Variants in GRID1 observed in about 807,000 individuals in gnomAD.
GRID1 encodes the protein glutamate ionotropic receptor delta type subunit 1.
Under a neutral mutation model 98.0 loss-of-function variants are expected in GRID1, and 28 were observed. That is an observed-to-expected ratio of 0.29 (90% confidence interval 0.21 to 0.39). The LOEUF (loss-of-function observed/expected upper bound fraction) is 0.39, where lower values mean the gene tolerates loss of function less well. GRID1 is among the 10% of genes least tolerant of loss of function. The pLI is 1.00. For missense variants in GRID1, 1,111 were observed against 1,340.5 expected (o/e 0.83, Z 2.67); for synonymous variants, 553 against 538.5 (o/e 1.03, Z -0.37).
chr10:86,225,579 C>G (rs1213716435), intron 2 of GRID1, among the ~76,000 whole-genome samples: 1 of 152,144 alleles, frequency 6.6e-6, no homozygotes, highest in Non-Finnish European at 1.5e-5. Flanking sequence ...CTGCTAGCGT[C>G]CCAGCTCCAG....
At chr10:85,774,879 G>A (rs1842313330) in intron 8 of GRID1, among the ~76,000 whole-genome samples, 1 of 151,186 alleles carries the variant, frequency 6.6e-6, no homozygotes, top group African/African-American at 2.4e-5. Flanking sequence ...CTGTTGGTGG[G>A]ACCGTAAACT....
At chr10:86,024,544 T>C (rs1038950451) in intron 4 of GRID1, among the ~76,000 whole-genome samples, 1 of 152,216 alleles carries the variant, frequency 6.6e-6, no homozygotes, top group African/African-American at 2.4e-5. Context: ...GCAAAGTCAC[T>C]GCGAGGAGCC....
Position 85,601,300 on chromosome 10 carries a change from C to T in GRID1, c.*973G>A, listed in dbSNP as rs953938240. On this transcript the variant is annotated 3_prime_UTR_variant, in exon 16 of 16. Transcript: ENST00000327946. ...CCTTCTCTCACCTGGGACCATGGGT[C>T]CAAACCCAAGGGAATATTCTTCCTC... 1 of 152,430 alleles carries T rather than the reference C, an allele frequency of 6.6e-6. No homozygotes were observed. The highest frequency in any genetic ancestry group is 2.4e-5 in the African/African-American group (1 of 41,400). The allele number at this position is 152,430 out of a possible 1,614,324, so 9.4% of individuals were successfully genotyped here. A position where few individuals can be genotyped will look rare whatever the true frequency, so the allele number is the denominator to read the frequency against.
At chr10:85,983,678 T>A (rs772445009) in intron 4 of GRID1, among the ~76,000 whole-genome samples, 5 of 152,096 alleles carry the variant, frequency 3.3e-5, no homozygotes, top group Non-Finnish European at 7.4e-5. Context: ...CAGAGCTGAA[T>A]GAGCCTCAGG....
intron 4 of GRID1, among the ~76,000 whole-genome samples, chr10:85,981,857 A>G (rs1031208610): frequency 5.9e-5 from 9 of 152,338 alleles, no homozygotes; most frequent in African/African-American, 1.9e-4. Flanking sequence ...GTCATGACAA[A>G]TACGATGAAG....
chr10:85,677,873 G>T (rs1841162542), intron 12 of GRID1, among the ~76,000 whole-genome samples: 1 of 152,136 alleles, frequency 6.6e-6, no homozygotes, highest in African/African-American at 2.4e-5. Context: ...TTGTAGCCTG[G>T]TGAGATTAAA....
intron 8 of GRID1, among the ~76,000 whole-genome samples, chr10:85,839,481 T>G (rs921198891): frequency 2.0e-5 from 3 of 152,076 alleles, no homozygotes; most frequent in African/African-American, 7.2e-5. Context: ...GACAAAGAAA[T>G]TCACTCCAAA....
At chr10:85,809,997 T>C (rs555816526) in intron 8 of GRID1, among the ~76,000 whole-genome samples, 39 of 152,294 alleles carry the variant, frequency 2.6e-4, no homozygotes, top group African/African-American at 8.9e-4. Context: ...GTTTTGTACT[T>C]CCATTATCCA....
In GRID1 at chr10:85,736,151, AGGAG is replaced by A. The variant is rs1474133529; in HGVS notation, c.1234-6541_1234-6538del. Among the ~76,000 whole-genome samples, 106 of 134,774 alleles carry A rather than the reference AGGAG, an allele frequency of 7.9e-4. 1 individual carries two copies. The highest frequency in any genetic ancestry group is 2.8e-3 in the African/African-American group (102 of 36,796). 88.4% of individuals were successfully genotyped at this position (134,774 alleles called of 152,430 possible). On this transcript the variant is annotated intron_variant, in intron 8 of 15. Coordinates refer to ENST00000327946, the MANE Select transcript of GRID1 (RefSeq NM_017551.3). Reference sequence around the variant, plus strand: ...GAGAAAGGAAGGAGAGAAGGAAGGAAGGAGGGAGGGAGGGACACAGGAAGAAAGG... The same window carrying A: ...GAGAAAGGAAGGAGAGAAGGAAGGAAGGAGGGAGGGACACAGGAAGAAAGG...
intron 4 of GRID1, among the ~76,000 whole-genome samples, chr10:86,127,961 C>A (rs146198040): frequency 5.9e-5 from 9 of 152,314 alleles, no homozygotes; most frequent in Middle Eastern, 3.4e-3. Flanking sequence ...TCATTTAATT[C>A]CCATGGCAAC....
rs774826339 is a variant in GRID1 at position 85,723,156 on chromosome 10, C to A, written c.1859-15G>T. ...AGATTCGCCACCTGCGGGAGGCAGA[C>A]AAAGTGGATTGGCCAGTGGCTTCTG... is the stretch of plus-strand genomic sequence containing the variant. On this transcript the variant is annotated splice_polypyrimidine_tract_variant and intron_variant, in intron 11 of 15. Transcript: ENST00000327946. 3.1e-6 allele frequency: 5 copies of A among 1,600,282 alleles called. No homozygotes were observed. The highest frequency in any genetic ancestry group is 1.7e-5 in the Admixed American group (1 of 58,680).
intron 4 of GRID1, among the ~76,000 whole-genome samples, chr10:86,119,407 T>C (rs1226237773): frequency 6.6e-6 from 1 of 152,086 alleles, no homozygotes; most frequent in Non-Finnish European, 1.5e-5. Context: ...TGTATCAATA[T>C]TGGGTCCCTA....
intron 12 of GRID1, among the ~76,000 whole-genome samples, chr10:85,648,959 A>G (rs1843231777): frequency 6.6e-6 from 1 of 152,236 alleles, no homozygotes; most frequent in African/African-American, 2.4e-5. Context: ...GGTCCAGAAA[A>G]GTTAGTTAAC....
chr10:86,163,905 C>T (rs1005772512), intron 3 of GRID1, among the ~76,000 whole-genome samples: 4 of 152,114 alleles, frequency 2.6e-5, no homozygotes, highest in African/African-American at 9.7e-5. Flanking sequence ...GGTATGTGGT[C>T]GCCTGCTCAG....
chr10:86,090,083 A>G (rs1167825346), intron 4 of GRID1, among the ~76,000 whole-genome samples: 2 of 150,218 alleles, frequency 1.3e-5, no homozygotes, highest in Non-Finnish European at 3.0e-5. Context: ...ATAACCAAAA[A>G]TAAAGCTCAG....
chr10:86,141,350 GA>G (rs2131973806), intron 3 of GRID1, among the ~76,000 whole-genome samples: 1 of 152,302 alleles, frequency 6.6e-6, no homozygotes, highest in East Asian at 1.9e-4. Flanking sequence ...AGAAGATAAA[GA>G]CCTCTTCTTA....
At position 85,737,490 on chromosome 10, in the gene GRID1, G is replaced by A. The variant is rs1388373351; in HGVS notation, c.1234-7876C>T. ...GCCCAGGCCACAATGGTCTCAGTGG[G>A]CTCACACAGGATAAAAGGACTGACC... is the stretch of plus-strand genomic sequence containing the variant. On this transcript the variant is annotated intron_variant, in intron 8 of 15. Transcript: ENST00000327946. Among the ~76,000 whole-genome samples, 3 of 151,578 alleles carry A rather than the reference G, an allele frequency of 2.0e-5. No homozygotes were observed. The East Asian group carries it at 5.8e-4, about 29-fold the overall frequency.
intron 4 of GRID1, among the ~76,000 whole-genome samples, chr10:86,039,033 T>C (rs1236679139): frequency 6.6e-6 from 1 of 152,196 alleles, no homozygotes; most frequent in Non-Finnish European, 1.5e-5. Context: ...ACCTCTACGG[T>C]ATATCCCTAC....
intron 12 of GRID1, among the ~76,000 whole-genome samples, chr10:85,651,720 C>T (rs1843273470): frequency 1.3e-5 from 2 of 152,144 alleles, no homozygotes; most frequent in Non-Finnish European, 2.9e-5. Flanking sequence ...GGAAGAACGG[C>T]CTCAAAAGCA....
Sources: gnomAD v4.1 joint callset for allele counts (sites outside exome capture counted in the v4.1 genomes callset) on GRCh38, gnomAD v4.1.1 for gene constraint, MANE v1.5 for transcripts, NCBI Gene and HGNC (gene_info 2026-07-23, HGNC 2026-07-21) for gene names.